The following MMRN2 variants were observed in gnomAD, a reference collection of about 807,000 sequenced individuals.
MMRN2 encodes the protein multimerin 2, also known as multimerin-2.
In MMRN2, 53 loss-of-function variants were observed where a neutral mutation model predicts 68.8. The observed-to-expected ratio is 0.77, with a 90% CI of 0.62 to 0.97. The LOEUF (loss-of-function observed/expected upper bound fraction) is 0.97, where lower values mean the gene tolerates loss of function less well. Among genes scored for constraint, MMRN2 ranks in the 50% least tolerant of loss-of-function variants. The pLI is 0.00. For missense variants in MMRN2, 1,266 were observed against 1,259.5 expected, an observed-to-expected ratio of 1.01 and a Z score of -0.08; for synonymous variants, 564 against 551.6, an observed-to-expected ratio of 1.02 and a Z score of -0.32.
Position 86,942,907 on chromosome 10 carries a change from G to A in MMRN2, c.1877C>T (p.Thr626Met), listed in dbSNP as rs139300968. Reference protein sequence around the residue: ...EEVLEEMSEQTPGPLPLSYEQ... With the variant: ...EEVLEEMSEQMPGPLPLSYEQ... ...GTAGCTCAGGGGCAGCGGTCCCGGC[G>A]TCTGCTCAGACATCTCCTCCAGCAC... The change falls in exon 6 of 7, where the codon ACG (threonine) becomes ATG (methionine). Residue 626 changes from threonine to methionine, a missense_variant. Coordinates refer to ENST00000372027, the MANE Select transcript of MMRN2 (RefSeq NM_024756.3). 29 of 1,475,490 alleles carry A rather than the reference G, an allele frequency of 2.0e-5. No individual in the cohort carries two copies. In the African/African-American group the frequency reaches 3.4e-4, roughly 17 times the overall value. The allele number at this position is 1,475,490 out of a possible 1,614,324, so 91.4% of individuals were successfully genotyped here.
At chr10:86,945,713 G>A in intron 1 of MMRN2, 24 bp from the exon 2 acceptor site, 1 of 1,613,670 alleles carries the variant, frequency 6.2e-7, no homozygotes, top group South Asian at 1.1e-5. Context: ...CAGAGGAGAA[G>A]GCTGCTGAGC....
In MMRN2 at chr10:86,943,143, C is replaced by T; in HGVS notation, c.1641G>A (p.Val547=). ...QNAVDAVSLA[V]DAHKAEGERA... ...GCTCGCCCTCCGCTTTGTGCGCGTC[C>T]ACGGCCAGCGACACGGCGTCCACGG... The change falls in exon 6 of 7, where the codon GTG becomes GTA. Residue 547 remains valine, a synonymous_variant. Coordinates refer to ENST00000372027, the MANE Select transcript of MMRN2 (RefSeq NM_024756.3). This position sits in a 1 kb window ranked among gnomAD's most constrained non-coding sequence, Gnocchi z 4.2. 1.3e-6 allele frequency: 2 copies of T among 1,591,230 alleles called. No individual in the cohort carries two copies. The highest frequency in any genetic ancestry group is 1.7e-4 in the Middle Eastern group (1 of 6,014).
chr10:86,943,878 C>CT lies in MMRN2; in HGVS notation c.905dup (p.Arg303GlufsTer63). The CT allele has an allele frequency of 6.2e-7, 1 of 1,614,006 alleles. No individual in the cohort carries two copies. The stretch of plus-strand genomic sequence containing the variant: ...CGTCCTGTCGCAGCTGACCCACTCT[C>CT]TGAGTGTTCTCCTGGACCTTGGCCT... On this transcript the variant is annotated frameshift_variant, in exon 6 of 7. Transcript: ENST00000372027. LOFTEE classifies it high-confidence loss of function. The surrounding 1 kb of genome is among the most constrained non-coding windows in gnomAD (Gnocchi z 4.2).
intron 1 of MMRN2, among the ~76,000 whole-genome samples, chr10:86,948,372 A>C (rs11202272): frequency 0.081 from 12,290 of 152,102 alleles, 602 homozygotes; most frequent in African/African-American, 0.14. Context: ...GCACCCAAGA[A>C]ACAAGACCAG....
At position 86,944,383 on chromosome 10, in the gene MMRN2, T is replaced by G. The variant is rs1171599776; in HGVS notation, c.534A>C (p.Glu178Asp). Residue 178 changes from glutamate to aspartate, a missense_variant, in exon 5 of 7, where the codon GAA becomes GAC. Coordinates refer to ENST00000372027, the MANE Select transcript of MMRN2 (RefSeq NM_024756.3). ...CATTCTGGAGATCTCCCAGCAGATGTTCCTGCTGTTCCTGTTGCACCTCAA... is the reference window on the plus strand; with the variant it reads ...CATTCTGGAGATCTCCCAGCAGATGGTCCTGCTGTTCCTGTTGCACCTCAA... ...NEVEVQQEQQ[E>D]HLLGDLQNDV... The G allele has an allele frequency of 5.0e-6, 8 of 1,614,024 alleles. No homozygotes were observed. The highest frequency in any genetic ancestry group is 1.3e-5 in the African/African-American group (1 of 75,048).
Position 86,943,611 on chromosome 10 carries a change from C to T in MMRN2, c.1173G>A (p.Glu391=). 6.2e-7 allele frequency: 1 copy of T among 1,614,004 alleles called. No homozygotes were observed. The highest frequency in any genetic ancestry group is 8.5e-7 in the Non-Finnish European group (1 of 1,180,032). ...CCTCCAGGGTGTACTGCAACTCCTC[C>T]TCCCTGCGGGCCGTGGTCATGTGCA... ...SELHMTTARR[E]EELQYTLEDM... is the part of the protein sequence containing the mutation. Residue 391 remains glutamate, a synonymous_variant, in exon 6 of 7, where the codon GAG becomes GAA. Coordinates refer to ENST00000372027, the MANE Select transcript of MMRN2 (RefSeq NM_024756.3). The surrounding 1 kb of genome is among the most constrained non-coding windows in gnomAD (Gnocchi z 4.2).
Position 86,944,071 on chromosome 10 carries a change from T to G in MMRN2, c.713A>C (p.Gln238Pro), listed in dbSNP as rs779225957. 1.9e-5 allele frequency: 30 copies of G among 1,613,988 alleles called. No individual in the cohort carries two copies. Among genetic ancestry groups the G allele is most frequent in the Non-Finnish European group, 2.5e-5 (30 of 1,180,024 alleles). ...VLLPHVDTFL[Q>P]VHFSPIWRSF... ...CCTCCAGATGGGGCTGAAATGCACT[T>G]GTAGGAAGGTGTCCACGTGGGGTAG... Residue 238 changes from glutamine (Q) to proline (P), a missense_variant, in exon 6 of 7, where the codon CAA (glutamine) becomes CCA (proline). Gln to Pro is a moderately conservative substitution (Grantham distance 76). Coordinates refer to ENST00000372027, the MANE Select transcript of MMRN2 (RefSeq NM_024756.3).
At chr10:86,944,205 C>T (rs1299137610) in intron 5 of MMRN2, 57 bp downstream of exon 5, 3 of 1,590,026 alleles carry the variant, frequency 1.9e-6, no homozygotes, top group Non-Finnish European at 2.6e-6. Context: ...CGGGGTCCTC[C>T]CCTCCTCCCC....
Position 86,943,317 on chromosome 10 carries a change from C to T in MMRN2, c.1467G>A (p.Val489=), listed in dbSNP as rs1844007013. 6.2e-7 allele frequency: 1 copy of T among 1,613,894 alleles called. No individual in the cohort carries two copies. The highest frequency in any genetic ancestry group is 8.5e-7 in the Non-Finnish European group (1 of 1,180,002). ...AGAGCTTCTGGCAATTGCAGTCCTT[C>T]ACGTACTTGATGAGGTCGGCATGGC... The part of the protein sequence containing the change: ...QGGHADLIKY[V]KDCNCQKLYL... The change falls in exon 6 of 7, where the codon GTG becomes GTA. Residue 489 remains valine (V), a synonymous_variant. Transcript: ENST00000372027. This position sits in a 1 kb window ranked among gnomAD's most constrained non-coding sequence, Gnocchi z 4.2.
At chr10:86,949,329 A>G (rs2133683802) in intron 1 of MMRN2, 1 of 152,314 alleles carries the variant, frequency 6.6e-6, no homozygotes, top group Admixed American at 6.5e-5. Flanking sequence ...CAGGTTTCAG[A>G]ACATTTACCT....
Position 86,944,232 on chromosome 10 carries a change from C to T in MMRN2, c.655+30G>A, listed in dbSNP as rs201780960. 1,321 of 1,595,054 alleles carry T rather than the reference C, an allele frequency of 8.3e-4. 1 individual carries two copies. Among genetic ancestry groups the T allele is most frequent in the Non-Finnish European group, 1.0e-3 (1,189 of 1,168,440 alleles). On this transcript the variant is annotated intron_variant, in intron 5 of 6. Coordinates refer to ENST00000372027, the MANE Select transcript of MMRN2 (RefSeq NM_024756.3). ...CTCCTCCCCTCAATGTGACCAGGCT[C>T]TTCCTCAGCCCCTAGAGCCTGCCAC...
chr10:86,942,684 C>T lies in MMRN2; in HGVS notation c.2100G>A (p.Glu700=). ...TGACGTCGTTGCTCAGGCTCTGGAG[C>T]TCCCGCGCCAGCCCGGCCAGGGCGG... ...ATTALAGLAR[E]LQSLSNDVKN... Residue 700 remains glutamate (E), a synonymous_variant, in exon 6 of 7, where the codon GAG becomes GAA. Transcript: ENST00000372027. 3 of 1,578,762 alleles carry T rather than the reference C, an allele frequency of 1.9e-6. No individual in the cohort carries two copies. In the South Asian group the frequency reaches 3.4e-5, roughly 18 times the overall value.
chr10:86,956,266 C>T (rs547925896), intron 1 of MMRN2, among the ~76,000 whole-genome samples: 10 of 152,138 alleles, frequency 6.6e-5, no homozygotes, highest in Admixed American at 3.3e-4. Flanking sequence ...CTGTTCCCCA[C>T]GCCACTGCCA....
intron 1 of MMRN2, chr10:86,945,890 A>G: frequency 7.2e-7 from 1 of 1,388,490 alleles, no homozygotes; most frequent in Non-Finnish European, 9.4e-7. Context: ...CAAAGAGGGC[A>G]CCTGCTCCAC....
Position 86,936,539 on chromosome 10 carries a change from G to C in MMRN2, c.*204C>G. The C allele has an allele frequency of 1.6e-6, 1 of 635,984 alleles. No individual in the cohort carries two copies. The highest frequency in any genetic ancestry group is 2.7e-5 in the East Asian group (1 of 36,704). The allele number at this position is 635,984 out of a possible 1,614,324, so 39.4% of individuals were successfully genotyped here. On this transcript the variant is annotated 3_prime_UTR_variant, in exon 7 of 7. Coordinates refer to ENST00000372027, the MANE Select transcript of MMRN2 (RefSeq NM_024756.3). The stretch of plus-strand genomic sequence containing the variant: ...TTCCTAGGACCATGTCCTGCCCGGA[G>C]AAGCATTCCAGTCCTTCTCATCATG...
At chr10:86,945,341 G>A in intron 3 of MMRN2, 29 bp downstream of exon 3, 1 of 1,605,086 alleles carries the variant, frequency 6.2e-7, no homozygotes, top group Non-Finnish European at 8.5e-7. Flanking sequence ...CAGAGGTCAA[G>A]GGGGGAAGGG....
At chr10:86,945,730 C>A in intron 1 of MMRN2, 41 bp from the exon 2 acceptor site, 1 of 1,612,824 alleles carries the variant, frequency 6.2e-7, no homozygotes, top group South Asian at 1.1e-5. Context: ...GAGCCACACC[C>A]AGGTCAACAG....
At chr10:86,939,160 CAAAAAAAAAA>C (rs71019439) in intron 6 of MMRN2, among the ~76,000 whole-genome samples, 1 of 96,512 alleles carries the variant, frequency 1.0e-5, no homozygotes, top group African/African-American at 4.3e-5. Flanking sequence ...GAAACTCCGT[CAAAAAAAAAA>C]AAAAAAAAAA....
intron 6 of MMRN2, 93 bp from the exon 7 acceptor site, chr10:86,937,218 C>T (rs1351838674): frequency 7.4e-6 from 10 of 1,354,766 alleles, no homozygotes; most frequent in Non-Finnish European, 1.0e-5. Context: ...ACCTTATTAG[C>T]AATGGAAATA....
Sources: allele counts gnomAD v4.1 joint callset (sites outside exome capture counted in the v4.1 genomes callset), GRCh38; gene constraint gnomAD v4.1.1; non-coding constraint Gnocchi (gnomAD v3.1); transcripts MANE v1.5; gene names NCBI Gene and HGNC (gene_info 2026-07-23, HGNC 2026-07-21).